The following TUSC3 variants were observed in gnomAD, a reference collection of about 807,000 sequenced individuals.
The protein encoded by TUSC3 is tumor suppressor candidate 3.
A neutral mutation model predicts 44.8 loss-of-function variants in TUSC3; 45 were observed. The observed-to-expected ratio is 1.00, with a 90% CI of 0.79 to 1.29. TUSC3 has a LOEUF of 1.29. Among genes scored for constraint, TUSC3 ranks in the 50% most tolerant of loss-of-function variants. TUSC3 has a pLI of 0.00. For missense variants in TUSC3, 519 were observed against 437.9 expected (o/e 1.19, Z -1.65); for synonymous variants, 212 against 152.9 (o/e 1.39, Z -2.85).
intron 1 of TUSC3, among the ~76,000 whole-genome samples, chr8:15,432,161 C>G (rs7838927): frequency 1.3e-5 from 2 of 151,812 alleles, no homozygotes; most frequent in African/African-American, 4.8e-5. Flanking sequence ...CCTCAATCAT[C>G]TGGAAGAGTT....
downstream of TUSC3, among the ~76,000 whole-genome samples, chr8:15,767,421 C>T (rs538603707): frequency 3.5e-5 from 5 of 143,064 alleles, no homozygotes; most frequent in East Asian, 2.1e-4. Context: ...CATACCTGTC[C>T]TTAGAAAAAC....
At chr8:15,719,439 AC>A (rs1215126305) in intron 6 of TUSC3, among the ~76,000 whole-genome samples, 1 of 150,352 alleles carries the variant, frequency 6.7e-6, no homozygotes, top group Non-Finnish European at 1.5e-5. Flanking sequence ...TGACTCCCTT[AC>A]TTTTTTCTGC....
intron 6 of TUSC3, among the ~76,000 whole-genome samples, chr8:15,726,416 A>T (rs1440302801): frequency 1.3e-5 from 2 of 152,190 alleles, no homozygotes; most frequent in Non-Finnish European, 2.9e-5. Context: ...TAAGTAAGTC[A>T]TGAGTCATGG....
At chr8:15,799,122 C>T in the TUSC3 span, among the ~76,000 whole-genome samples, 1 of 152,152 alleles carries the variant, frequency 6.6e-6, no homozygotes, top group South Asian at 2.1e-4. Context: ...AACAACAAAA[C>T]CCAAAACAAA....
chr8:15,789,269 G>A, the TUSC3 span, among the ~76,000 whole-genome samples: 2 of 152,160 alleles, frequency 1.3e-5, no homozygotes, highest in East Asian at 1.9e-4. Context: ...AATGTTCAGT[G>A]TACCGTAATA....
intron 2 of TUSC3, among the ~76,000 whole-genome samples, chr8:15,491,967 C>T (rs961083311): frequency 1.3e-5 from 2 of 152,216 alleles, no homozygotes; most frequent in African/African-American, 2.4e-5. Context: ...CATCTAACTA[C>T]TTATAGTTAC....
chr8:15,451,207 A>T (rs1800194023), intron 1 of TUSC3, among the ~76,000 whole-genome samples: 2 of 152,124 alleles, frequency 1.3e-5, no homozygotes, highest in South Asian at 4.1e-4. Flanking sequence ...ATCACAGTAT[A>T]ATGTTACTTA....
chr8:15,636,469 A>G (rs1444822215), intron 2 of TUSC3, among the ~76,000 whole-genome samples: 1 of 152,138 alleles, frequency 6.6e-6, no homozygotes, highest in Non-Finnish European at 1.5e-5. Flanking sequence ...CAACCCCAGA[A>G]TAGAGATATT....
At chr8:15,479,816 G>C (rs918811331) in intron 1 of TUSC3, among the ~76,000 whole-genome samples, 3 of 152,126 alleles carry the variant, frequency 2.0e-5, no homozygotes, top group Non-Finnish European at 4.4e-5. Flanking sequence ...TCATGCAAGA[G>C]AAAGAAATAA....
At chr8:15,531,083 C>T (rs938380708) in intron 2 of TUSC3, among the ~76,000 whole-genome samples, 1 of 152,140 alleles carries the variant, frequency 6.6e-6, no homozygotes, top group African/African-American at 2.4e-5. Context: ...TAGTAGGCCG[C>T]TGTGCATGCG....
Position 15,548,744 on chromosome 8 carries a change from C to G in TUSC3, c.138+8176C>G, listed in dbSNP as rs1801957262. Among the ~76,000 whole-genome samples, 2 of 151,830 alleles carry G rather than the reference C, an allele frequency of 1.3e-5. 1 individual carries two copies. The highest frequency in any genetic ancestry group is 2.9e-5 in the Non-Finnish European group (2 of 67,926). ...GTATTGTTGAATTAAGCATTTTGCC[C>G]ATGACTGTACAACTTGTATGTTTAC... On this transcript the variant is annotated intron_variant, in intron 1 of 10. Coordinates refer to ENST00000503731, the MANE Select transcript of TUSC3 (RefSeq NM_006765.4).
chr8:15,481,689 T>C (rs191272793), intron 1 of TUSC3, among the ~76,000 whole-genome samples: 36 of 152,302 alleles, frequency 2.4e-4, no homozygotes, highest in African/African-American at 8.2e-4. Flanking sequence ...GCAATAGCAT[T>C]ATGGCTGAAA....
intron 6 of TUSC3, among the ~76,000 whole-genome samples, chr8:15,717,524 C>G (rs971419726): frequency 6.6e-6 from 1 of 152,070 alleles, no homozygotes; most frequent in African/African-American, 2.4e-5. Flanking sequence ...GCTTTCCATC[C>G]TCTATTAATT....
At chr8:15,423,031 T>C (rs910683793) in intron 1 of TUSC3, among the ~76,000 whole-genome samples, 11 of 152,292 alleles carry the variant, frequency 7.2e-5, no homozygotes, top group Admixed American at 5.2e-4. Context: ...CAATTTTTAT[T>C]TCTTGACTTA....
intron 1 of TUSC3, among the ~76,000 whole-genome samples, chr8:15,584,125 GT>G (rs1803496576): frequency 6.6e-6 from 1 of 152,160 alleles, no homozygotes; most frequent in East Asian, 1.9e-4. Flanking sequence ...TTTAATTGAT[GT>G]TAAACTTGTT....
chr8:15,687,232 G>C (rs927520510), intron 6 of TUSC3, among the ~76,000 whole-genome samples: 2 of 152,056 alleles, frequency 1.3e-5, no homozygotes, highest in Admixed American at 6.5e-5. Context: ...TAGGTACTCT[G>C]TTTCCAGTAG....
chr8:15,554,965 A>T (rs1389553739), intron 1 of TUSC3, among the ~76,000 whole-genome samples: 1 of 151,436 alleles, frequency 6.6e-6, no homozygotes, highest in Non-Finnish European at 1.5e-5. Context: ...TCAGAAAGCA[A>T]TGAAGCGCTG....
intron 5 of TUSC3, among the ~76,000 whole-genome samples, chr8:15,668,233 T>C (rs1297799231): frequency 2.0e-5 from 3 of 151,872 alleles, no homozygotes; most frequent in Admixed American, 1.3e-4. Flanking sequence ...TTTAAGGACA[T>C]TTTAAGACAT....
chr8:15,493,757 A>C (rs1800842002), intron 2 of TUSC3, among the ~76,000 whole-genome samples: 1 of 152,208 alleles, frequency 6.6e-6, no homozygotes, highest in Non-Finnish European at 1.5e-5. Flanking sequence ...TCAAAAAGTG[A>C]GCCCCCAAAA....
Sources: allele counts gnomAD v4.1 joint callset (sites outside exome capture counted in the v4.1 genomes callset), GRCh38; gene constraint gnomAD v4.1.1; transcripts MANE v1.5; gene names NCBI Gene and HGNC (gene_info 2026-07-23, HGNC 2026-07-21).